The following NEMF variants were observed in gnomAD, a reference collection of about 807,000 sequenced individuals.
NEMF encodes the protein ribosome quality control complex subunit NEMF.
Under a neutral mutation model 162.2 loss-of-function variants are expected in NEMF, and 89 were observed. The observed-to-expected ratio is 0.55, with a 90% CI of 0.46 to 0.65. The LOEUF is 0.65. Ranked by LOEUF, NEMF falls within the 30% of genes least tolerant of loss-of-function variation. NEMF has a pLI of 0.00. For synonymous variants in NEMF, 421 were observed against 404.5 expected, an observed-to-expected ratio of 1.04 and a Z score of -0.49; for missense variants, 1,133 against 1,261.9, an observed-to-expected ratio of 0.90 and a Z score of 1.55.
rs1312583436 is a variant in NEMF at position 49,828,339 on chromosome 14, C to T, written c.1440G>A (p.Lys480=). Residue 480 remains lysine, a synonymous_variant, in exon 15 of 33, where the codon AAG becomes AAA. Coordinates refer to ENST00000298310, the MANE Select transcript of NEMF (RefSeq NM_004713.6). ...YANAKKYYDH[K]RYAAKKTQKT... ...TTTGTGTTTTCTTAGCAGCATATCT[C>T]TTGTGATCATAATACCTAGAAAAAC... 1.3e-6 allele frequency: 2 copies of T among 1,591,294 alleles called. No individual in the cohort carries two copies. Among genetic ancestry groups the T allele is most frequent in the Non-Finnish European group, 1.7e-6 (2 of 1,164,614 alleles).
intron 26 of NEMF, among the ~76,000 whole-genome samples, chr14:49,792,820 T>G (rs964572724): frequency 6.6e-6 from 1 of 151,628 alleles, no homozygotes; most frequent in Non-Finnish European, 1.5e-5. Flanking sequence ...CTAAAAATAA[T>G]AAAAATAAAA....
intron 16 of NEMF, among the ~76,000 whole-genome samples, chr14:49,824,395 T>C (rs534234203): frequency 4.0e-4 from 60 of 151,232 alleles, no homozygotes; most frequent in Non-Finnish European, 7.2e-4. Flanking sequence ...ATACAAAAAT[T>C]AGCCAGGCGT....
At chr14:49,799,318 A>C (rs537706624) in intron 25 of NEMF, among the ~76,000 whole-genome samples, 157 bp downstream of exon 25, 1 of 151,408 alleles carries the variant, frequency 6.6e-6, no homozygotes, top group Non-Finnish European at 1.5e-5. Context: ...AGAAAAATGT[A>C]TTAGAGCTTA....
chr14:49,834,348 A>G lies in NEMF; in HGVS notation c.661+15T>C, dbSNP rs1489507401. On this transcript the variant is annotated intron_variant, in intron 7 of 32. Transcript: ENST00000298310. ...AAAAAATGAAATAAATGAAAAATGT[A>G]CCATGCAGACATACCTTTAGTTTCA... 1 of 1,521,442 alleles carries G rather than the reference A, an allele frequency of 6.6e-7. No individual in the cohort carries two copies. Among genetic ancestry groups the G allele is most frequent in the South Asian group, 1.1e-5 (1 of 88,336 alleles). The allele number at this position is 1,521,442 out of a possible 1,614,324, so 94.2% of individuals were successfully genotyped here.
chr14:49,824,575 A>G (rs1304645477), intron 16 of NEMF, among the ~76,000 whole-genome samples: 1 of 151,646 alleles, frequency 6.6e-6, no homozygotes, highest in African/African-American at 2.4e-5. Context: ...TGAGGAAAAT[A>G]TATTTTCATA....
rs939274415 is a variant in NEMF, at chr14:49,782,589, T to C, written c.*2047A>G. 2 of 1,603,218 alleles carry C rather than the reference T, an allele frequency of 1.2e-6. No individual in the cohort carries two copies. The highest frequency in any genetic ancestry group is 1.3e-5 in the African/African-American group (1 of 74,606). On this transcript the variant is annotated 3_prime_UTR_variant, in exon 33 of 33. Coordinates refer to ENST00000298310, the MANE Select transcript of NEMF (RefSeq NM_004713.6). ...TATTTTCAGTTCAACCAAAATCTCT[T>C]GTACGGTAAGTAACTTTGTACTTGG...
At chr14:49,840,027 G>A (rs558306514) in intron 5 of NEMF, among the ~76,000 whole-genome samples, 137 of 152,204 alleles carry the variant, frequency 9.0e-4, no homozygotes, top group Admixed American at 1.8e-3. Context: ...AGGCATTGTG[G>A]TGGGCTCCTG....
At chr14:49,844,545 G>A (rs188714775) in intron 4 of NEMF, among the ~76,000 whole-genome samples, 1 of 152,118 alleles carries the variant, frequency 6.6e-6, no homozygotes, top group African/African-American at 2.4e-5. Context: ...CTCTGGGTGA[G>A]TGACAGTGAG....
At chr14:49,850,358 A>T (rs3126159) in intron 3 of NEMF, among the ~76,000 whole-genome samples, 1 of 152,166 alleles carries the variant, frequency 6.6e-6, no homozygotes, top group South Asian at 2.1e-4. Context: ...AAAGTGTTGG[A>T]ATTACAGGCA....
chr14:49,851,928 AACTAC>A, intron 1 of NEMF, 53 bp from the exon 2 acceptor site: 3 of 1,069,224 alleles, frequency 2.8e-6, no homozygotes, highest in Non-Finnish European at 4.2e-6. Flanking sequence ...TGAAACATAA[AACTAC>A]ACATAATTTA....
intron 16 of NEMF, among the ~76,000 whole-genome samples, chr14:49,821,499 G>A (rs1892042355): frequency 8.6e-5 from 1 of 11,578 alleles, no homozygotes; most frequent in African/African-American, 9.7e-5. Flanking sequence ...GCCCCGTCCA[G>A]GAGGTGAGGG....
Position 49,828,765 on chromosome 14 carries a change from A to G in NEMF, c.1275T>C (p.Asp425=), listed in dbSNP as rs1434434148. 1.7e-5 allele frequency: 27 copies of G among 1,556,548 alleles called. No homozygotes were observed. Among genetic ancestry groups the G allele is most frequent in the Non-Finnish European group, 2.4e-5 (27 of 1,141,132 alleles). ...LLSEEEDDDV[D]GDVNVEKNET... is the part of the protein sequence containing the mutation. ...CATTTTTCTCAACATTGACGTCACC[A>G]TCAACATCATCATCTTCCTCCTCTG... Residue 425 remains aspartate (D), a synonymous_variant, in exon 14 of 33, where the codon GAT becomes GAC. Coordinates refer to ENST00000298310, the MANE Select transcript of NEMF (RefSeq NM_004713.6).
In NEMF at chr14:49,795,799, C is replaced by G. The variant is rs917503243; in HGVS notation, c.2611G>C (p.Gly871Arg). The G allele has an allele frequency of 1.9e-6, 3 of 1,609,950 alleles. No homozygotes were observed. The highest frequency in any genetic ancestry group is 2.5e-6 in the Non-Finnish European group (3 of 1,179,092). ...NVAAVQPMKR[G>R]QKSKMKKMKE... is the part of the protein sequence containing the mutation. ...ATCATCCTGAAGTTTACCTTTTGTC[C>G]TCGTTTCATTGGCTGCACAGCCGCA... is the stretch of plus-strand genomic sequence containing the variant. The change falls in exon 26 of 33, where the codon GGA becomes CGA. Residue 871 changes from glycine (G) to arginine (R), a missense_variant. Physicochemically the swap from Gly to Arg is moderately radical, Grantham distance 125. Coordinates refer to ENST00000298310, the MANE Select transcript of NEMF (RefSeq NM_004713.6).
rs758291103 is a variant in NEMF at position 49,851,649 on chromosome 14, T to A, written c.145A>T (p.Thr49Ser). 6.2e-7 allele frequency: 1 copy of A among 1,613,860 alleles called. No homozygotes were observed. The highest frequency in any genetic ancestry group is 8.5e-7 in the Non-Finnish European group (1 of 1,179,818). ...CGTATGCCAGATTCAAGTAAAAGTG[T>A]AGCTTTAAAGTCCGGTCTGTAGAAG... ...IRLQKPDFKA[T>S]LLLESGIRIH... Residue 49 changes from threonine (T) to serine (S), a missense_variant, in exon 3 of 33, where the codon ACA (threonine) becomes TCA (serine). Physicochemically the swap from Thr to Ser is moderately conservative, Grantham distance 58. This residue lies in a region of NEMF where 582 missense variants were observed against 631.5 expected (regional missense o/e 0.92). Transcript: ENST00000298310.
chr14:49,816,776 A>C (rs1891736097), intron 16 of NEMF, among the ~76,000 whole-genome samples: 1 of 152,226 alleles, frequency 6.6e-6, no homozygotes, highest in African/African-American at 2.4e-5. Context: ...CACTTACTTA[A>C]CCATTCCCCT....
chr14:49,785,344 C>T (rs766584416), intron 29 of NEMF, 24 bp from the exon 30 acceptor site: 4 of 1,544,646 alleles, frequency 2.6e-6, no homozygotes, highest in South Asian at 1.1e-5. Context: ...ATAACAGTTA[C>T]AAAGGCAATT....
In NEMF at chr14:49,817,503, A is replaced by G. The variant is rs184914939; in HGVS notation, c.1578-2646T>C. On this transcript the variant is annotated intron_variant, in intron 16 of 32. Coordinates refer to ENST00000298310, the MANE Select transcript of NEMF (RefSeq NM_004713.6). ...GTAAACACTAACCAAAAGAAAGCTC[A>G]TCTAGTTACACCTGACAAACAAGGA... 4.2e-3 allele frequency among the ~76,000 whole-genome samples: 641 copies of G among 152,262 alleles called. 3 individuals carry two copies. Among genetic ancestry groups the G allele is most frequent in the African/African-American group, 0.014 (594 of 41,560 alleles).
chr14:49,793,559 G>A (rs1212710456), intron 26 of NEMF, among the ~76,000 whole-genome samples: 1 of 152,148 alleles, frequency 6.6e-6, no homozygotes, highest in African/African-American at 2.4e-5. Context: ...AAAGTTTAAT[G>A]TATTTTAATA....
chr14:49,803,629 G>C (rs1359610548), intron 19 of NEMF, among the ~76,000 whole-genome samples: 15 of 151,682 alleles, frequency 9.9e-5, no homozygotes, highest in Non-Finnish European at 2.2e-4. Flanking sequence ...TGGTTGAAGT[G>C]ATTCTCCTGC....
Sources: allele counts gnomAD v4.1 joint callset (sites outside exome capture counted in the v4.1 genomes callset), GRCh38; gene constraint gnomAD v4.1.1; regional missense constraint gnomAD v4.1.1; transcripts MANE v1.5; gene names NCBI Gene and HGNC (gene_info 2026-07-23, HGNC 2026-07-21).